Variants in CARMIL3 observed in about 807,000 individuals in gnomAD.
The protein encoded by CARMIL3 is capping protein regulator and myosin 1 linker 3.
Under a neutral mutation model 180.8 loss-of-function variants are expected in CARMIL3, and 88 were observed. The observed-to-expected ratio is 0.49, with a 90% CI of 0.41 to 0.58. The LOEUF (loss-of-function observed/expected upper bound fraction) is 0.58. Among genes scored for constraint, CARMIL3 ranks in the 20% least tolerant of loss-of-function variants. The pLI, the probability that CARMIL3 is intolerant of heterozygous loss-of-function variation, is 0.00. For synonymous variants in CARMIL3, 696 were observed against 714.5 expected (o/e 0.97, Z 0.41); for missense variants, 1,548 against 1,787.0 (o/e 0.87, Z 2.41).
rs1405118707 is a variant in CARMIL3 at position 24,062,787 on chromosome 14, G to A, written c.2647G>A (p.Gly883Ser). Residue 883 changes from glycine (G) to serine (S), a missense_variant, in exon 29 of 40, where the codon GGC (glycine) becomes AGC (serine). Gly to Ser is a moderately conservative substitution (Grantham distance 56). Around this residue, in one of 4 missense-constraint regions of CARMIL3, gnomAD observed 668 missense variants for 687.8 expected, o/e 0.97. Coordinates refer to ENST00000342740, the MANE Select transcript of CARMIL3 (RefSeq NM_138360.4). Reference protein sequence around the residue: ...PGQGQDLSSRGRGRNHDHEET... With the variant: ...PGQGQDLSSRSRGRNHDHEET... ...CCAAGGGCAGGATCTGTCCTCCCGGGGCCGAGGCCGGAACCATGACCATGA... is the reference window on the plus strand; with the variant it reads ...CCAAGGGCAGGATCTGTCCTCCCGGAGCCGAGGCCGGAACCATGACCATGA... 1 of 1,613,764 alleles carries A rather than the reference G, an allele frequency of 6.2e-7. No homozygotes were observed. Among genetic ancestry groups the A allele is most frequent in the Non-Finnish European group, 8.5e-7 (1 of 1,179,886 alleles).
intron 27 of CARMIL3, 36 bp from the exon 28 acceptor site, chr14:24,062,444 T>C (rs369265443): frequency 1.3e-6 from 2 of 1,573,780 alleles, no homozygotes; most frequent in Non-Finnish European, 1.7e-6. Flanking sequence ...GGGACTGAGG[T>C]GCTAATGTTC....
intron 1 of CARMIL3, among the ~76,000 whole-genome samples, chr14:24,052,493 C>G (rs1445860553): frequency 6.6e-6 from 1 of 152,186 alleles, no homozygotes; most frequent in African/African-American, 2.4e-5. Context: ...AGCCCACCCT[C>G]GGCGAAGCGT....
In CARMIL3 at chr14:24,056,898, G is replaced by T. The variant is rs765079262; in HGVS notation, c.953-17G>T. On this transcript the variant is annotated splice_polypyrimidine_tract_variant and intron_variant, in intron 12 of 39. Coordinates refer to ENST00000342740, the MANE Select transcript of CARMIL3 (RefSeq NM_138360.4). The stretch of plus-strand genomic sequence containing the variant: ...TGGGGCTAGGGGCCAACCCAGCCCA[G>T]TGCCCGCTGTGCTCAGGGCTCCAGG... 1.2e-6 allele frequency: 2 copies of T among 1,613,284 alleles called. No homozygotes were observed. Among genetic ancestry groups the T allele is most frequent in the Non-Finnish European group, 1.7e-6 (2 of 1,179,536 alleles).
Position 24,061,120 on chromosome 14 carries a change from C to A in CARMIL3, c.2304+80C>A. 3.1e-6 allele frequency: 4 copies of A among 1,304,230 alleles called. No homozygotes were observed. Among genetic ancestry groups the A allele is most frequent in the Admixed American group, 2.1e-5 (1 of 48,780 alleles). The allele number at this position is 1,304,230 out of a possible 1,614,324, so 80.8% of individuals were successfully genotyped here. On this transcript the variant is annotated intron_variant, in intron 26 of 39. Transcript: ENST00000342740. The surrounding 1 kb of genome is among the most constrained non-coding windows in gnomAD (Gnocchi z 4.1). ...CCTAAGCCCAGAGCTAAAGTCAGAG[C>A]TGGGAGACTTCTGGAGGGCCAGGAG... is the stretch of plus-strand genomic sequence containing the variant.
Position 24,055,627 on chromosome 14 carries a change from T to C in CARMIL3, c.681+9T>C, listed in dbSNP as rs774459821. The C allele has an allele frequency of 6.2e-7, 1 of 1,614,078 alleles. No homozygotes were observed. The highest frequency in any genetic ancestry group is 8.5e-7 in the Non-Finnish European group (1 of 1,179,984). ...GCAAGGACTTGCGGCTGGTAGGAAC[T>C]GGGAGGGGCTGGTGAGGTGGGAGAA... On this transcript the variant is annotated intron_variant, in intron 9 of 39. Transcript: ENST00000342740.
Position 24,055,772 on chromosome 14 carries a change from C to G in CARMIL3, c.753C>G (p.Asp251Glu), listed in dbSNP as rs1194505776. ...GGAGCCTCGAAGAGCTGGTGCTGGA[C>G]AACGCCGGGCTTAAGACGTGAGGCC... ...KSGSLEELVLDNAGLKTDFVQ... is the reference protein window; with the variant it reads ...KSGSLEELVLENAGLKTDFVQ... The change falls in exon 10 of 40, where the codon GAC becomes GAG. Residue 251 changes from aspartate (D) to glutamate (E), a missense_variant. Physicochemically the swap from Asp to Glu is conservative, Grantham distance 45. Around this residue, in one of 4 missense-constraint regions of CARMIL3, gnomAD observed 578 missense variants for 666.5 expected, o/e 0.87. Transcript: ENST00000342740. The G allele has an allele frequency of 6.2e-7, 1 of 1,614,064 alleles. No homozygotes were observed. Among genetic ancestry groups the G allele is most frequent in the Admixed American group, 1.7e-5 (1 of 60,020 alleles).
chr14:24,062,509 T>C lies in CARMIL3; in HGVS notation c.2510T>C (p.Leu837Pro), dbSNP rs752888847. The C allele has an allele frequency of 1.2e-6, 2 of 1,614,170 alleles. No homozygotes were observed. The highest frequency in any genetic ancestry group is 1.7e-6 in the Non-Finnish European group (2 of 1,180,018). Reference sequence around the variant, plus strand: ...GTGAAGCTCTCAGTCGTCACCTACCTAACCAGCTCCATAGTGGATGAGATC... The same window carrying C: ...GTGAAGCTCTCAGTCGTCACCTACCCAACCAGCTCCATAGTGGATGAGATC... ...DEVKLSVVTYLTSSIVDEILQ... is the reference protein window; with the variant it reads ...DEVKLSVVTYPTSSIVDEILQ... Residue 837 changes from leucine (L) to proline (P), a missense_variant, in exon 28 of 40, where the codon CTA (leucine) becomes CCA (proline). By Grantham distance (98) the Leu-to-Pro change is moderately conservative. Coordinates refer to ENST00000342740, the MANE Select transcript of CARMIL3 (RefSeq NM_138360.4).
At chr14:24,052,452 G>C (rs2035626655) in intron 1 of CARMIL3, among the ~76,000 whole-genome samples, 1 of 152,176 alleles carries the variant, frequency 6.6e-6, no homozygotes, top group Admixed American at 6.5e-5. Context: ...CAGTTCCCTG[G>C]CGCTCCCTGG....
chr14:24,056,215 C>A, intron 10 of CARMIL3, 84 bp from the exon 11 acceptor site: 3 of 1,116,498 alleles, frequency 2.7e-6, no homozygotes, highest in Non-Finnish European at 3.9e-6. Context: ...CCCAGCCAGG[C>A]AGTCAGGTAG....
rs2035776095 is a variant in CARMIL3, at chr14:24,065,350, C to T, written c.3396+77C>T. The stretch of plus-strand genomic sequence containing the variant: ...ACCCAGTCTCCTACCCCACCCCAAG[C>T]TTAATGGGAGAATGCTAGGACCCAG... On this transcript the variant is annotated intron_variant, in intron 33 of 39. Coordinates refer to ENST00000342740, the MANE Select transcript of CARMIL3 (RefSeq NM_138360.4). The T allele has an allele frequency of 4.5e-6, 6 of 1,324,008 alleles. No homozygotes were observed. In the South Asian group the frequency reaches 9.4e-5, roughly 21 times the overall value. The allele number at this position is 1,324,008 out of a possible 1,614,324, so 82.0% of individuals were successfully genotyped here.
At position 24,061,053 on chromosome 14, in the gene CARMIL3, G is replaced by A. The variant is rs538109864; in HGVS notation, c.2304+13G>A. The stretch of plus-strand genomic sequence containing the variant: ...CAAGGAGCTGCAGGCAAGTCCTGGA[G>A]GAGGGAGGAATCCATGGTGGGAACC... On this transcript the variant is annotated intron_variant, in intron 26 of 39. Coordinates refer to ENST00000342740, the MANE Select transcript of CARMIL3 (RefSeq NM_138360.4). The surrounding 1 kb of genome is among the most constrained non-coding windows in gnomAD (Gnocchi z 4.1). 6.5e-7 allele frequency: 1 copy of A among 1,549,668 alleles called. No homozygotes were observed. Among genetic ancestry groups the A allele is most frequent in the Non-Finnish European group, 8.7e-7 (1 of 1,145,282 alleles).
intron 24 of CARMIL3, 128 bp downstream of exon 24, chr14:24,060,383 G>A: frequency 8.5e-7 from 1 of 1,183,078 alleles, no homozygotes; most frequent in Non-Finnish European, 1.2e-6. Flanking sequence ...TGAGCATGTG[G>A]GGAAGCAAAA....
intron 10 of CARMIL3, 113 bp from the exon 11 acceptor site, chr14:24,056,186 G>A (rs1006514713): frequency 1.2e-6 from 1 of 806,290 alleles, no homozygotes; most frequent in Admixed American, 2.5e-5. Flanking sequence ...CCTGTTGTGG[G>A]GGCCTCTGAC....
chr14:24,069,176 C>T lies in CARMIL3; in HGVS notation c.4022C>T (p.Pro1341Leu), dbSNP rs1192084246. Residue 1341 changes from proline (P) to leucine (L), a missense_variant, in exon 39 of 40, where the codon CCC (proline) becomes CTC (leucine). By Grantham distance (98) the Pro-to-Leu change is moderately conservative. Transcript: ENST00000342740. ...DPGRRTAPLKPKRTRRAQSCD... is the reference protein window; with the variant it reads ...DPGRRTAPLKLKRTRRAQSCD... Reference sequence around the variant, plus strand: ...GGCCGGCGGACTGCCCCCCTGAAGCCCAAGAGGACACGGCGGGCACAGTCC... The same window carrying T: ...GGCCGGCGGACTGCCCCCCTGAAGCTCAAGAGGACACGGCGGGCACAGTCC... 1 of 1,614,106 alleles carries T rather than the reference C, an allele frequency of 6.2e-7. No individual in the cohort carries two copies. The highest frequency in any genetic ancestry group is 8.5e-7 in the Non-Finnish European group (1 of 1,180,008).
At position 24,059,726 on chromosome 14, in the gene CARMIL3, T is replaced by C; in HGVS notation, c.1862T>C (p.Leu621Pro). ...GGCTTCCTGGACATCGCAAGGGCCC[T>C]GGAGAGGTGAGTAGACCATGGTCCT... ...ALGFLDIARA[L>P]ESNHTLRFMS... is the part of the protein sequence containing the mutation. The change falls in exon 22 of 40, where the codon CTG becomes CCG. Residue 621 changes from leucine to proline, a missense_variant. Transcript: ENST00000342740. This position sits in a 1 kb window ranked among gnomAD's most constrained non-coding sequence, Gnocchi z 6.3. The C allele has an allele frequency of 3.7e-6, 6 of 1,614,000 alleles. No homozygotes were observed. Among genetic ancestry groups the C allele is most frequent in the Non-Finnish European group, 4.2e-6 (5 of 1,179,952 alleles).
At position 24,068,878 on chromosome 14, in the gene CARMIL3, G is replaced by T; in HGVS notation, c.3894G>T (p.Glu1298Asp). The stretch of plus-strand genomic sequence containing the variant: ...CCCAGGAGCCAGGGGTCAGGGAGGA[G>T]GCTGAGGCTGGAGATGCAGCTCCAG... ...QPPQEPGVRE[E>D]AEAGDAAPGV... The change falls in exon 38 of 40, where the codon GAG becomes GAT. Residue 1298 changes from glutamate to aspartate, a missense_variant. Physicochemically the swap from Glu to Asp is conservative, Grantham distance 45. Coordinates refer to ENST00000342740, the MANE Select transcript of CARMIL3 (RefSeq NM_138360.4). 1.9e-6 allele frequency: 3 copies of T among 1,610,700 alleles called. No homozygotes were observed. Among genetic ancestry groups the T allele is most frequent in the Non-Finnish European group, 2.5e-6 (3 of 1,178,768 alleles).
Position 24,054,421 on chromosome 14 carries a change from T to C in CARMIL3, c.272T>C (p.Met91Thr), listed in dbSNP as rs757759024. The change falls in exon 5 of 40, where the codon ATG becomes ACG. Residue 91 changes from methionine (M) to threonine (T), a missense_variant. Transcript: ENST00000342740. This position sits in a 1 kb window ranked among gnomAD's most constrained non-coding sequence, Gnocchi z 5.1. ...NQILVETERG[M>T]VSMRLPSAES... ...ATCCTGGTGGAGACGGAGCGTGGCA[T>C]GGTGAGCATGCGACTGCCATCAGCT... The C allele has an allele frequency of 6.2e-7, 1 of 1,613,878 alleles. No homozygotes were observed. The highest frequency in any genetic ancestry group is 2.2e-5 in the East Asian group (1 of 44,874).
chr14:24,062,079 A>G, intron 27 of CARMIL3: 1 of 317,938 alleles, frequency 3.1e-6, no homozygotes, highest in Non-Finnish European at 5.9e-6. Context: ...ACCAAAGGAA[A>G]ACTAGTACAC....
At position 24,063,529 on chromosome 14, in the gene CARMIL3, C is replaced by T. The variant is rs1440347414; in HGVS notation, c.2975C>T (p.Pro992Leu). 1.2e-6 allele frequency: 2 copies of T among 1,609,362 alleles called. No individual in the cohort carries two copies. The highest frequency in any genetic ancestry group is 3.4e-5 in the Admixed American group (2 of 59,642). Residue 992 changes from proline (P) to leucine (L), a missense_variant, in exon 31 of 40, where the codon CCC (proline) becomes CTC (leucine). Transcript: ENST00000342740. Reference sequence around the variant, plus strand: ...ACCACACCTCCAGGACCTGGTCGACCCAGTGTGAGTCCCTAAGGCTTCACA... The same window carrying T: ...ACCACACCTCCAGGACCTGGTCGACTCAGTGTGAGTCCCTAAGGCTTCACA... ...PRTTPPGPGR[P>L]SMPAPGTRQE...
Sources: gnomAD v4.1 joint callset for allele counts (sites outside exome capture counted in the v4.1 genomes callset) on GRCh38, gnomAD v4.1.1 for gene constraint, gnomAD v4.1.1 regional missense constraint, Gnocchi (gnomAD v3.1) non-coding constraint, MANE v1.5 for transcripts, NCBI Gene and HGNC (gene_info 2026-07-23, HGNC 2026-07-21) for gene names.